MAP3K21: variants seen among roughly 807,000 people sequenced by gnomAD.
MAP3K21 encodes the protein mitogen-activated protein kinase kinase kinase MLK4.
Under a neutral mutation model 86.1 loss-of-function variants are expected in MAP3K21, and 63 were observed. The ratio of observed to expected loss-of-function variants is 0.73; its 90% CI spans 0.60 to 0.90. The LOEUF (loss-of-function observed/expected upper bound fraction) is 0.90. Ranked by LOEUF, MAP3K21 falls within the 40% of genes least tolerant of loss-of-function variation. The pLI, the probability that MAP3K21 is intolerant of heterozygous loss-of-function variation, is 0.00. For missense variants in MAP3K21, 1,220 were observed against 1,367.7 expected (o/e 0.89, Z 1.70); for synonymous variants, 558 against 564.8 (o/e 0.99, Z 0.17).
At chr1:233,353,559 T>C (rs1167731246) in intron 2 of MAP3K21, among the ~76,000 whole-genome samples, 2 of 152,204 alleles carry the variant, frequency 1.3e-5, no homozygotes, top group African/African-American at 2.4e-5. Context: ...TTCCTATTCA[T>C]GAAGTAGTTT....
intron 1 of MAP3K21, among the ~76,000 whole-genome samples, chr1:233,330,760 ACT>A (rs1434584733): frequency 1.3e-5 from 2 of 152,220 alleles, no homozygotes; most frequent in African/African-American, 2.4e-5. Context: ...TTACTTTTAC[ACT>A]GCACTTAGTT....
chr1:233,339,143 A>T (rs1159083890), intron 1 of MAP3K21, among the ~76,000 whole-genome samples: 1 of 152,204 alleles, frequency 6.6e-6, no homozygotes, highest in Non-Finnish European at 1.5e-5. Context: ...AATGCCACTG[A>T]TAGATGAATA....
chr1:233,357,579 A>G (rs1216545769), intron 4 of MAP3K21, among the ~76,000 whole-genome samples: 1 of 152,180 alleles, frequency 6.6e-6, no homozygotes, highest in Non-Finnish European at 1.5e-5. Flanking sequence ...AAGGAGAGGC[A>G]CCAATCCCAC....
chr1:233,371,749 T>TTGTGTGTGTGTGTGTGTGTGTGTGTGTG (rs71574858), intron 5 of MAP3K21, among the ~76,000 whole-genome samples: 1 of 147,668 alleles, frequency 6.8e-6, no homozygotes, highest in African/African-American at 2.5e-5. Flanking sequence ...ATATTTTCCT[T>TTGTGTGTGTGTGTGTGTGTGTGTGTGTG]TGTGTGTGTG....
At chr1:233,379,926 C>T (rs1572259766) in intron 9 of MAP3K21, among the ~76,000 whole-genome samples, 1 of 152,128 alleles carries the variant, frequency 6.6e-6, no homozygotes, top group East Asian at 1.9e-4. Flanking sequence ...TAACTGAAAC[C>T]TATAATAGCA....
At position 233,328,334 on chromosome 1, in the gene MAP3K21, G is replaced by A; in HGVS notation, c.306G>A (p.Pro102=). ...FPANYVAPCR[P]AASPAPPPSR... is the part of the protein sequence containing the mutation. ...CCAACTACGTGGCTCCCTGCCGCCCGGCCGCCAGCCCCGCGCCGCCGCCCT... is the reference window on the plus strand; with the variant it reads ...CCAACTACGTGGCTCCCTGCCGCCCAGCCGCCAGCCCCGCGCCGCCGCCCT... Residue 102 remains proline (P), a synonymous_variant, in exon 1 of 10, where the codon CCG becomes CCA. Transcript: ENST00000366624. This position sits in a 1 kb window ranked among gnomAD's most constrained non-coding sequence, Gnocchi z 8.7. The A allele has an allele frequency of 6.8e-7, 1 of 1,471,868 alleles. No homozygotes were observed. Among genetic ancestry groups the A allele is most frequent in the Non-Finnish European group, 8.9e-7 (1 of 1,120,028 alleles). 91.2% of individuals were successfully genotyped at this position (1,471,868 alleles called of 1,614,324 possible).
Position 233,383,064 on chromosome 1 carries a change from T to C in MAP3K21, c.*353T>C, listed in dbSNP as rs569231013. On this transcript the variant is annotated 3_prime_UTR_variant, in exon 10 of 10. Coordinates refer to ENST00000366624, the MANE Select transcript of MAP3K21 (RefSeq NM_032435.3). ...CAACAGAAATTGTAATGAGCTTCAC[T>C]ATTTTTGTTTCTTTCCTTCCTTTTT... 45 of 160,846 alleles carry C rather than the reference T, an allele frequency of 2.8e-4. No individual in the cohort carries two copies. The highest frequency in any genetic ancestry group is 1.5e-3 in the Admixed American group (24 of 15,582). The allele number at this position is 160,846 out of a possible 1,614,324, so 10.0% of individuals were successfully genotyped here. A position where few individuals can be genotyped will look rare whatever the true frequency, so the allele number is the denominator to read the frequency against.
chr1:233,334,527 A>G (rs1314586499), intron 1 of MAP3K21, among the ~76,000 whole-genome samples: 1 of 152,246 alleles, frequency 6.6e-6, no homozygotes, highest in Non-Finnish European at 1.5e-5. Flanking sequence ...ATACTGGCAT[A>G]AAAACATATG....
At chr1:233,347,565 G>T (rs1663171741) in intron 2 of MAP3K21, among the ~76,000 whole-genome samples, 1 of 152,172 alleles carries the variant, frequency 6.6e-6, no homozygotes, top group Non-Finnish European at 1.5e-5. Flanking sequence ...GAAAAGAGTG[G>T]AATCACGTCC....
At chr1:233,366,424 A>G (rs752583094) in intron 5 of MAP3K21, among the ~76,000 whole-genome samples, 1 of 152,226 alleles carries the variant, frequency 6.6e-6, no homozygotes, top group Non-Finnish European at 1.5e-5. Flanking sequence ...ATCATTATAT[A>G]TTGTAAACAA....
rs201768172 is a variant in MAP3K21, at chr1:233,372,130, A to G, written c.1645A>G (p.Thr549Ala). ...SSSSSPPSSPTMMPRLRAIQL... is the reference protein window; with the variant it reads ...SSSSSPPSSPAMMPRLRAIQL... ...CAGTTCCAGTCCCCCGAGCAGCCCC[A>G]CAATGATGCCCCGACTCCGAGCCAT... The change falls in exon 6 of 10, where the codon ACA (threonine) becomes GCA (alanine). Residue 549 changes from threonine (T) to alanine (A), a missense_variant. Physicochemically the swap from Thr to Ala is moderately conservative, Grantham distance 58 (BLOSUM62 0). Coordinates refer to ENST00000366624, the MANE Select transcript of MAP3K21 (RefSeq NM_032435.3). 2.5e-5 allele frequency: 41 copies of G among 1,614,164 alleles called. No homozygotes were observed. The African/African-American group carries it at 4.3e-4, about 17-fold the overall frequency.
intron 1 of MAP3K21, among the ~76,000 whole-genome samples, chr1:233,338,779 C>G (rs190017470): frequency 6.6e-6 from 1 of 152,216 alleles, no homozygotes; most frequent in Non-Finnish European, 1.5e-5. Context: ...ACTTTTACTA[C>G]GACGCAAGAG....
intron 2 of MAP3K21, among the ~76,000 whole-genome samples, chr1:233,347,649 T>C (rs1276493443): frequency 6.6e-6 from 1 of 152,178 alleles, no homozygotes; most frequent in Admixed American, 6.5e-5. Context: ...GAATATCACA[T>C]GTTCTCACTT....
chr1:233,376,499 C>G lies in MAP3K21; in HGVS notation c.1896C>G (p.Pro632=), dbSNP rs2102767157. The G allele has an allele frequency of 6.2e-7, 1 of 1,613,678 alleles. No individual in the cohort carries two copies. The highest frequency in any genetic ancestry group is 2.2e-5 in the East Asian group (1 of 44,846). Residue 632 remains proline, a synonymous_variant, in exon 8 of 10, where the codon CCC becomes CCG. Coordinates refer to ENST00000366624, the MANE Select transcript of MAP3K21 (RefSeq NM_032435.3). ...TAATAAAAAATCAGAAAACCATGCC[C>G]TTGGCTTCATTGTTTGTGGACCAGC... ...TILIKNQKTM[P]LASLFVDQPG... is the part of the protein sequence containing the mutation.
chr1:233,345,832 C>T (rs1381791752), intron 1 of MAP3K21, among the ~76,000 whole-genome samples: 1 of 151,994 alleles, frequency 6.6e-6, no homozygotes, highest in Non-Finnish European at 1.5e-5. Flanking sequence ...AGCTTCACTC[C>T]CGGGAGTTCC....
intron 5 of MAP3K21, among the ~76,000 whole-genome samples, chr1:233,369,970 T>C (rs1663652920): frequency 6.6e-6 from 1 of 152,160 alleles, no homozygotes; most frequent in Non-Finnish European, 1.5e-5. Context: ...ATCTGTAACT[T>C]AAGAATCATG....
chr1:233,366,817 G>A (rs1052645171), intron 5 of MAP3K21, among the ~76,000 whole-genome samples: 4 of 152,152 alleles, frequency 2.6e-5, no homozygotes, highest in Admixed American at 2.6e-4. Flanking sequence ...TTATAGCTAT[G>A]GTGATTTAGT....
chr1:233,378,255 C>T (rs758952833), intron 8 of MAP3K21, among the ~76,000 whole-genome samples: 7 of 152,202 alleles, frequency 4.6e-5, no homozygotes, highest in African/African-American at 9.7e-5. Flanking sequence ...ATGTTAGCTT[C>T]CTCTTAAGCG....
intron 2 of MAP3K21, among the ~76,000 whole-genome samples, chr1:233,348,008 C>G (rs6703635): frequency 0.015 from 2,275 of 152,010 alleles, 52 homozygotes; most frequent in African/African-American, 0.052. Context: ...TCACATACCA[C>G]GAAACTGATG....
Sources: allele counts gnomAD v4.1 joint callset (sites outside exome capture counted in the v4.1 genomes callset), GRCh38; gene constraint gnomAD v4.1.1; non-coding constraint Gnocchi (gnomAD v3.1); transcripts MANE v1.5; gene names NCBI Gene and HGNC (gene_info 2026-07-23, HGNC 2026-07-21).